ZNHIT6: variants seen among roughly 807,000 people sequenced by gnomAD.
ZNHIT6 encodes the protein box C/D snoRNA protein 1.
ZNHIT6 carries 45 observed loss-of-function variants against 57.2 expected under a neutral mutation model. The observed-to-expected ratio is 0.79, with a 90% confidence interval of 0.62 to 1.01. The LOEUF is 1.01. Among genes scored for constraint, ZNHIT6 ranks in the 50% least tolerant of loss-of-function variants. The pLI, the probability that ZNHIT6 is intolerant of heterozygous loss-of-function variation, is 0.00. For missense variants in ZNHIT6, 528 were observed against 567.3 expected (o/e 0.93, Z 0.70); for synonymous variants, 188 against 190.0 (o/e 0.99, Z 0.09).
rs11327941 is a variant in ZNHIT6, at chr1:85,696,175, ATT to A, written c.1019+5980_1019+5981del. On this transcript the variant is annotated intron_variant, in intron 5 of 9. Coordinates refer to ENST00000370574, the MANE Select transcript of ZNHIT6 (RefSeq NM_017953.4). ...AAATAATCGCTAATTTATTAACTGCATTTTTTTTTTTTTTTTAGAGACAGGGT... is the reference window on the plus strand; with the variant it reads ...AAATAATCGCTAATTTATTAACTGCATTTTTTTTTTTTTTAGAGACAGGGT... Among the ~76,000 whole-genome samples, 504 of 143,662 alleles carry A rather than the reference ATT, an allele frequency of 3.5e-3. 1 individual carries two copies. The highest frequency in any genetic ancestry group is 4.9e-3 in the Non-Finnish European group (324 of 65,620). 94.2% of individuals were successfully genotyped at this position (143,662 alleles called of 152,430 possible).
At position 85,653,612 on chromosome 1, in the gene ZNHIT6, AC is replaced by A. The variant is rs200522041; in HGVS notation, c.*445del. Reference sequence around the variant, plus strand: ...GCAACCCTGTCTCTACCAAAAAAAAACAACAACAAAAAACTTAGCTGAGTGT... The same window carrying A: ...GCAACCCTGTCTCTACCAAAAAAAAAAACAACAAAAAACTTAGCTGAGTGT... On this transcript the variant is annotated 3_prime_UTR_variant, in exon 10 of 10. Coordinates refer to ENST00000370574, the MANE Select transcript of ZNHIT6 (RefSeq NM_017953.4). 67 of 152,164 alleles carry A rather than the reference AC, an allele frequency of 4.4e-4. No homozygotes were observed. The highest frequency in any genetic ancestry group is 5.7e-4 in the Non-Finnish European group (39 of 68,234). 9.4% of individuals were successfully genotyped at this position (152,164 alleles called of 1,614,324 possible).
At chr1:85,679,647 T>C (rs61783745) in intron 6 of ZNHIT6, among the ~76,000 whole-genome samples, 22,904 of 150,488 alleles carry the variant, frequency 0.15, 2,353 homozygotes, top group Non-Finnish European at 0.21. Flanking sequence ...TGCAGTGGCA[T>C]GATCTTGGCT....
intron 8 of ZNHIT6, among the ~76,000 whole-genome samples, chr1:85,661,542 G>A (rs565636461): frequency 3.9e-5 from 6 of 152,154 alleles, no homozygotes; most frequent in Non-Finnish European, 5.9e-5. Flanking sequence ...CTGCCTTTAT[G>A]TGCATTTTGC....
chr1:85,657,871 T>C lies in ZNHIT6; in HGVS notation c.1348A>G (p.Asn450Asp). ...TLHVVLKGSN[N>D]DMKVLHQVKS... ...CCTTGGTGAAGAACTTTCATGTCAT[T>C]ATTGGATCCTTTCAATACCACATGT... Residue 450 changes from asparagine to aspartate, a missense_variant, in exon 9 of 10, where the codon AAT (asparagine) becomes GAT (aspartate). Physicochemically the swap from Asn to Asp is conservative, Grantham distance 23 (BLOSUM62 1). Transcript: ENST00000370574. 1 of 1,609,556 alleles carries C rather than the reference T, an allele frequency of 6.2e-7. No homozygotes were observed. The highest frequency in any genetic ancestry group is 8.5e-7 in the Non-Finnish European group (1 of 1,178,202).
rs974550176 is a variant in ZNHIT6 at position 85,651,875 on chromosome 1, T to C, written c.*2183A>G. ...TTCCAATTTCATTCTCTCCAAGCCATTGGTAATTCACTAAAACACACGTGT... is the reference window on the plus strand; with the variant it reads ...TTCCAATTTCATTCTCTCCAAGCCACTGGTAATTCACTAAAACACACGTGT... On this transcript the variant is annotated 3_prime_UTR_variant, in exon 10 of 10. Coordinates refer to ENST00000370574, the MANE Select transcript of ZNHIT6 (RefSeq NM_017953.4). 1 of 152,186 alleles carries C rather than the reference T, an allele frequency of 6.6e-6. No individual in the cohort carries two copies. Among genetic ancestry groups the C allele is most frequent in the African/African-American group, 2.4e-5 (1 of 41,448 alleles). The allele number at this position is 152,186 out of a possible 1,614,324, so 9.4% of individuals were successfully genotyped here. A position where few individuals can be genotyped will look rare whatever the true frequency, so the allele number is the denominator to read the frequency against.
At chr1:85,662,197 T>C (rs1661245132) in intron 8 of ZNHIT6, among the ~76,000 whole-genome samples, 1 of 149,112 alleles carries the variant, frequency 6.7e-6, no homozygotes, top group Admixed American at 6.7e-5. Flanking sequence ...AAAAGACAAG[T>C]TTTTAAAGAA....
chr1:85,703,242 AAAC>A (rs1212415470), intron 4 of ZNHIT6, among the ~76,000 whole-genome samples: 1 of 152,194 alleles, frequency 6.6e-6, no homozygotes, highest in African/African-American at 2.4e-5. Flanking sequence ...GGTTACACTG[AAAC>A]AGAGGAAAAA....
At chr1:85,681,633 T>C (rs1420465791) in intron 5 of ZNHIT6, among the ~76,000 whole-genome samples, 4 of 152,226 alleles carry the variant, frequency 2.6e-5, no homozygotes, top group Admixed American at 1.3e-4. Flanking sequence ...AGCAAGTTAA[T>C]GACTACCGAT....
At chr1:85,687,980 T>C (rs1045370574) in intron 5 of ZNHIT6, among the ~76,000 whole-genome samples, 2 of 151,316 alleles carry the variant, frequency 1.3e-5, no homozygotes, top group African/African-American at 2.4e-5. Context: ...GAGACAGAGG[T>C]TGCAGTGAGC....
At chr1:85,701,317 T>G (rs1347892155) in intron 5 of ZNHIT6, among the ~76,000 whole-genome samples, 1 of 152,048 alleles carries the variant, frequency 6.6e-6, no homozygotes, top group Admixed American at 6.6e-5. Flanking sequence ...AGAAAGGAAG[T>G]TGATTTGTTC....
chr1:85,658,607 C>T (rs1226125510), intron 8 of ZNHIT6, among the ~76,000 whole-genome samples: 2 of 151,958 alleles, frequency 1.3e-5, no homozygotes, highest in Non-Finnish European at 2.9e-5. Flanking sequence ...CACGGTGGCT[C>T]ACACCTGTAA....
chr1:85,683,153 G>T (rs964586987), intron 5 of ZNHIT6, among the ~76,000 whole-genome samples: 1 of 152,100 alleles, frequency 6.6e-6, no homozygotes, highest in Non-Finnish European at 1.5e-5. Context: ...GGAGATTAAG[G>T]CTGCAGTGAA....
chr1:85,698,624 A>G (rs1662446033), intron 5 of ZNHIT6, among the ~76,000 whole-genome samples: 1 of 152,154 alleles, frequency 6.6e-6, no homozygotes, highest in African/African-American at 2.4e-5. Flanking sequence ...TTGCTTAAAC[A>G]AGCAATCAAT....
At chr1:85,677,445 G>T in intron 7 of ZNHIT6, 132 bp from the exon 8 acceptor site, 1 of 608,842 alleles carries the variant, frequency 1.6e-6, no homozygotes, top group East Asian at 3.2e-5. Context: ...AGGAGATAAA[G>T]ATGTTTTCTA....
In ZNHIT6 at chr1:85,680,382, G is replaced by A. The variant is rs1410982873; in HGVS notation, c.1088+454C>T. 4.0e-5 allele frequency among the ~76,000 whole-genome samples: 6 copies of A among 151,424 alleles called. No homozygotes were observed. The East Asian group carries it at 1.2e-3, about 29-fold the overall frequency. On this transcript the variant is annotated intron_variant, in intron 6 of 9. Transcript: ENST00000370574. Reference sequence around the variant, plus strand: ...GTAATCTTTGCATGGTAGAATTTTGGGTCATTTTTCACTTCCTTAACAACC... The same window carrying A: ...GTAATCTTTGCATGGTAGAATTTTGAGTCATTTTTCACTTCCTTAACAACC...
At chr1:85,667,946 T>TG (rs1471641849) in intron 8 of ZNHIT6, among the ~76,000 whole-genome samples, 1 of 3,740 alleles carries the variant, frequency 2.7e-4, no homozygotes, top group East Asian at 0.011. Context: ...ACTCTCTCTT[T>TG]CAAAAAAAAA....
At chr1:85,662,240 A>C (rs1661246534) in intron 8 of ZNHIT6, among the ~76,000 whole-genome samples, 1 of 151,766 alleles carries the variant, frequency 6.6e-6, no homozygotes, top group South Asian at 2.1e-4. Flanking sequence ...GTCCCATCTG[A>C]TCACTGACAC....
At chr1:85,658,840 C>T (rs1315617100) in intron 8 of ZNHIT6, among the ~76,000 whole-genome samples, 1 of 151,756 alleles carries the variant, frequency 6.6e-6, no homozygotes, top group Admixed American at 6.6e-5. Flanking sequence ...CACTGCACTC[C>T]AGCCTGGGCA....
At chr1:85,694,601 A>G (rs562723626) in intron 5 of ZNHIT6, among the ~76,000 whole-genome samples, 1 of 152,244 alleles carries the variant, frequency 6.6e-6, no homozygotes, top group South Asian at 2.1e-4. Context: ...AGCTGGGATT[A>G]CAGGCGCACG....
Sources: allele counts gnomAD v4.1 joint callset (sites outside exome capture counted in the v4.1 genomes callset), GRCh38; gene constraint gnomAD v4.1.1; transcripts MANE v1.5; gene names NCBI Gene and HGNC (gene_info 2026-07-23, HGNC 2026-07-21).